Variants in KCNG2 observed in about 807,000 individuals in gnomAD.
KCNG2 encodes voltage-gated potassium channel regulatory subunit KCNG2.
Under a neutral mutation model 12.3 loss-of-function variants are expected in KCNG2, and 7 were observed. That is an observed-to-expected ratio of 0.57 (90% CI 0.32 to 1.07). The LOEUF (loss-of-function observed/expected upper bound fraction) is 1.07. Among genes scored for constraint, KCNG2 ranks in the 50% least tolerant of loss-of-function variants. The pLI, the probability that KCNG2 is intolerant of heterozygous loss-of-function variation, is 0.04. For missense variants in KCNG2, 703 were observed against 726.0 expected (o/e 0.97, Z 0.36); for synonymous variants, 414 against 351.4 (o/e 1.18, Z -1.99).
chr18:79,845,948 A>G (rs1213586879), intron 1 of KCNG2, among the ~76,000 whole-genome samples: 2 of 152,030 alleles, frequency 1.3e-5, no homozygotes, highest in African/African-American at 4.8e-5. Flanking sequence ...AAAATTAGCC[A>G]GGCGTAGTGG....
intron 2 of KCNG2, among the ~76,000 whole-genome samples, chr18:79,860,939 C>T (rs181867381): frequency 1.2e-4 from 19 of 152,246 alleles, no homozygotes; most frequent in Non-Finnish European, 2.1e-4. Context: ...ATGGAGTTAG[C>T]GGTGAGTTTT....
At position 79,822,852 on chromosome 18, in the gene KCNG2, C is replaced by T. The variant is rs1171491534; in HGVS notation, c.-115+24838C>T. On this transcript the variant is annotated intron_variant, in intron 1 of 3. Coordinates refer to ENST00000316249, the MANE Select transcript of KCNG2 (RefSeq NM_012283.2). This position sits in a 1 kb window ranked among gnomAD's most constrained non-coding sequence, Gnocchi z 4.4. The stretch of plus-strand genomic sequence containing the variant: ...AATTACCTGGGAGAGCCCTTGTCTC[C>T]CCACGCTTCCGTGGGGTTGTGGATT... Among the ~76,000 whole-genome samples the T allele has an allele frequency of 1.3e-5, 2 of 152,324 alleles. No individual in the cohort carries two copies. The highest frequency in any genetic ancestry group is 2.1e-4 in the South Asian group (1 of 4,824).
At chr18:79,883,192 C>T in intron 3 of KCNG2, among the ~76,000 whole-genome samples, 1 of 149,306 alleles carries the variant, frequency 6.7e-6, no homozygotes, top group South Asian at 2.2e-4. Flanking sequence ...GGAAGCCACG[C>T]TGCGATCCCG....
Position 79,861,693 on chromosome 18 carries a change from GT to G in KCNG2, c.-40-1930del, listed in dbSNP as rs563745380. 3.2e-3 allele frequency among the ~76,000 whole-genome samples: 482 copies of G among 152,090 alleles called. 4 individuals are homozygous for G. The highest frequency in any genetic ancestry group is 0.011 in the African/African-American group (468 of 41,462). On this transcript the variant is annotated intron_variant, in intron 2 of 3. Coordinates refer to ENST00000316249, the MANE Select transcript of KCNG2 (RefSeq NM_012283.2). ...TAATGTTTTTCATCGAATTTGGAGG[GT>G]TTTTAAACCATATTTCTTCAAATAT...
intron 1 of KCNG2, among the ~76,000 whole-genome samples, chr18:79,825,193 G>A (rs964327850): frequency 3.3e-5 from 5 of 152,128 alleles, no homozygotes; most frequent in South Asian, 2.1e-4. Flanking sequence ...TCTGTTTCCC[G>A]AGAACATCTG....
chr18:79,867,489 C>CT (rs1599410357), intron 3 of KCNG2, among the ~76,000 whole-genome samples: 1 of 26,792 alleles, frequency 3.7e-5, no homozygotes, highest in Admixed American at 6.2e-4. Context: ...TGTGTCGTGT[C>CT]TGGGGGGGGG....
intron 1 of KCNG2, among the ~76,000 whole-genome samples, chr18:79,807,325 A>C (rs892552551): frequency 5.9e-5 from 9 of 152,056 alleles, no homozygotes; most frequent in Admixed American, 1.3e-4. Flanking sequence ...AGCAAACCTC[A>C]CGCCCTCCTC....
At chr18:79,819,180 G>A (rs1008505765) in intron 1 of KCNG2, among the ~76,000 whole-genome samples, 4 of 152,162 alleles carry the variant, frequency 2.6e-5, no homozygotes, top group Non-Finnish European at 5.9e-5. Context: ...CACCAAGGCC[G>A]GCGAGGGCAC....
At chr18:79,831,998 G>C (rs958878060) in intron 1 of KCNG2, among the ~76,000 whole-genome samples, 1 of 152,200 alleles carries the variant, frequency 6.6e-6, no homozygotes, top group Non-Finnish European at 1.5e-5. Context: ...TGTCTAGAAA[G>C]GGCTGGGTGG....
intron 3 of KCNG2, among the ~76,000 whole-genome samples, chr18:79,889,694 C>T (rs1980678543): frequency 6.6e-6 from 1 of 152,160 alleles, no homozygotes; most frequent in South Asian, 2.1e-4. Context: ...ATGACATGAC[C>T]TTCTCATTGG....
At chr18:79,832,656 CG>C (rs370366157) in intron 1 of KCNG2, among the ~76,000 whole-genome samples, 36 of 152,294 alleles carry the variant, frequency 2.4e-4, no homozygotes, top group African/African-American at 8.4e-4. Flanking sequence ...GCAGATCATT[CG>C]CCCTGATTTC....
Position 79,864,006 on chromosome 18 carries a change from G to C in KCNG2, c.339G>C (p.Ala113=), listed in dbSNP as rs1979340913. ...TGGCCTACTGGGGCATCGACGAGGC[G>C]CGCCTGGAGCGCTGCTGCCTGCGCC... ...DELAYWGIDE[A]RLERCCLRRL... The change falls in exon 3 of 4, where the codon GCG becomes GCC. Residue 113 remains alanine, a synonymous_variant. Coordinates refer to ENST00000316249, the MANE Select transcript of KCNG2 (RefSeq NM_012283.2). 5.1e-6 allele frequency: 6 copies of C among 1,181,976 alleles called. No individual in the cohort carries two copies. The highest frequency in any genetic ancestry group is 6.3e-6 in the Non-Finnish European group (6 of 954,132). The allele number at this position is 1,181,976 out of a possible 1,614,324, so 73.2% of individuals were successfully genotyped here.
intron 1 of KCNG2, among the ~76,000 whole-genome samples, chr18:79,818,411 C>G (rs2087546278): frequency 6.6e-6 from 1 of 152,212 alleles, no homozygotes; most frequent in Non-Finnish European, 1.5e-5. Context: ...CTCAGCCAGC[C>G]CCAGGGCGGC....
At chr18:79,830,779 TC>T (rs1169081280) in intron 1 of KCNG2, among the ~76,000 whole-genome samples, 3 of 145,180 alleles carry the variant, frequency 2.1e-5, no homozygotes, top group South Asian at 2.2e-4. Flanking sequence ...TCAGGAGGGT[TC>T]CCTGCGGACA....
Position 79,832,144 on chromosome 18 carries a change from G to A in KCNG2, c.-114-24235G>A, listed in dbSNP as rs544786372. 9.9e-5 allele frequency among the ~76,000 whole-genome samples: 15 copies of A among 152,098 alleles called. No homozygotes were observed. The South Asian group carries it at 1.2e-3, about 13-fold the overall frequency. On this transcript the variant is annotated intron_variant, in intron 1 of 3. Transcript: ENST00000316249. ...TCTATCCGCTGCTCATAGCTTGCCC[G>A]TCCTCACCCATGAGACCTCAGCTGC...
chr18:79,861,273 CTTTTTTTT>C (rs56348625), intron 2 of KCNG2, among the ~76,000 whole-genome samples: 1 of 76,970 alleles, frequency 1.3e-5, no homozygotes, highest in African/African-American at 4.6e-5. Flanking sequence ...CTCTCTCTCT[CTTTTTTTT>C]TTTTTTTTTT....
intron 1 of KCNG2, among the ~76,000 whole-genome samples, chr18:79,840,863 A>G (rs1978438970): frequency 6.6e-6 from 1 of 152,208 alleles, no homozygotes; most frequent in Admixed American, 6.5e-5. Flanking sequence ...TCAACAAACA[A>G]TAAGACATCC....
chr18:79,874,454 CAGTCAG>C (rs1299586531), intron 3 of KCNG2, among the ~76,000 whole-genome samples: 2 of 152,236 alleles, frequency 1.3e-5, no homozygotes, highest in African/African-American at 4.8e-5. Context: ...TACTGCGCGT[CAGTCAG>C]AGTCCTAGTG....
Position 79,800,491 on chromosome 18 carries a change from C to G in KCNG2, c.-115+2477C>G, listed in dbSNP as rs2087400244. On this transcript the variant is annotated intron_variant, in intron 1 of 3. Coordinates refer to ENST00000316249, the MANE Select transcript of KCNG2 (RefSeq NM_012283.2). This position sits in a 1 kb window ranked among gnomAD's most constrained non-coding sequence, Gnocchi z 4.0. ...GCATTGACCGAGGTAGTTTAAGACC[C>G]CCTTCCTCAGATGAGGCTTGGGAGG... Among the ~76,000 whole-genome samples the G allele has an allele frequency of 6.6e-6, 1 of 152,150 alleles. No homozygotes were observed. Among genetic ancestry groups the G allele is most frequent in the Non-Finnish European group, 1.5e-5 (1 of 68,028 alleles).
Sources: allele counts gnomAD v4.1 joint callset (sites outside exome capture counted in the v4.1 genomes callset), GRCh38; gene constraint gnomAD v4.1.1; non-coding constraint Gnocchi (gnomAD v3.1); transcripts MANE v1.5; gene names NCBI Gene and HGNC (gene_info 2026-07-23, HGNC 2026-07-21).